GPC6: variants seen among roughly 807,000 people sequenced by gnomAD.
GPC6 encodes glypican 6, also known as glypican-6.
A neutral mutation model predicts 55.2 loss-of-function variants in GPC6; 14 were observed. The observed-to-expected ratio is 0.25, with a 90% confidence interval of 0.17 to 0.40. The LOEUF (loss-of-function observed/expected upper bound fraction) is 0.40, where lower values mean the gene tolerates loss of function less well. Ranked by LOEUF, GPC6 falls within the 10% of genes least tolerant of loss-of-function variation. GPC6 has a pLI of 1.00. For missense variants in GPC6, 641 were observed against 708.5 expected (o/e 0.90, Z 1.08); for synonymous variants, 278 against 259.6 (o/e 1.07, Z -0.68).
chr13:93,790,030 A>G (rs541771184), intron 2 of GPC6, among the ~76,000 whole-genome samples: 2 of 152,316 alleles, frequency 1.3e-5, no homozygotes, highest in East Asian at 1.9e-4. Flanking sequence ...TCAATTGAAA[A>G]TGTGGCAACA....
chr13:93,991,761 A>G lies in GPC6; in HGVS notation c.712-35968A>G, dbSNP rs114629011. Among the ~76,000 whole-genome samples the G allele has an allele frequency of 9.6e-3, 1,457 of 152,258 alleles. 27 individuals carry two copies. Among genetic ancestry groups the G allele is most frequent in the African/African-American group, 0.034 (1,404 of 41,556 alleles). On this transcript the variant is annotated intron_variant, in intron 3 of 8. Transcript: ENST00000377047. ...TGAGATGTGTTCTCAAGTTCTGTCA[A>G]GTGAAATTGCTTGGATAAATCACCA... is the stretch of plus-strand genomic sequence containing the variant.
chr13:93,817,453 A>G (rs1886892744), intron 2 of GPC6, among the ~76,000 whole-genome samples: 1 of 152,164 alleles, frequency 6.6e-6, no homozygotes, highest in African/African-American at 2.4e-5. Flanking sequence ...TAATTGAACT[A>G]TTTCCTTTTA....
intron 3 of GPC6, among the ~76,000 whole-genome samples, chr13:93,878,361 C>T (rs1246897281): frequency 6.6e-6 from 1 of 151,984 alleles, no homozygotes; most frequent in African/African-American, 2.4e-5. Context: ...AGTGAGGACA[C>T]AGTGTTCATT....
intron 1 of GPC6, among the ~76,000 whole-genome samples, chr13:93,540,895 A>T (rs1197883978): frequency 6.6e-6 from 1 of 152,084 alleles, no homozygotes; most frequent in Non-Finnish European, 1.5e-5. Flanking sequence ...TCAACTTCCA[A>T]GAGATCCTTT....
At chr13:94,147,847 T>C (rs1441740549) in intron 4 of GPC6, among the ~76,000 whole-genome samples, 1 of 152,158 alleles carries the variant, frequency 6.6e-6, no homozygotes, top group East Asian at 1.9e-4. Flanking sequence ...TACTCATTTA[T>C]CATAAAAGTT....
chr13:94,386,113 A>C (rs891707639), intron 7 of GPC6, among the ~76,000 whole-genome samples: 4 of 150,170 alleles, frequency 2.7e-5, no homozygotes, highest in Non-Finnish European at 4.4e-5. Flanking sequence ...TAATCCCAGC[A>C]CTTTGGGAGG....
intron 4 of GPC6, among the ~76,000 whole-genome samples, chr13:94,081,145 T>C (rs1476492649): frequency 1.3e-5 from 2 of 152,218 alleles, no homozygotes; most frequent in African/African-American, 4.8e-5. Context: ...TTGCTACTAA[T>C]GCTGGCTAGC....
intron 4 of GPC6, among the ~76,000 whole-genome samples, chr13:94,152,545 G>A (rs475933): frequency 0.57 from 86,722 of 151,846 alleles, 26,272 homozygotes; most frequent in Non-Finnish European, 0.66. Flanking sequence ...AAAATGTAAA[G>A]TATAATAGGA....
intron 1 of GPC6, among the ~76,000 whole-genome samples, chr13:93,323,592 T>A (rs1031408788): frequency 2.6e-5 from 4 of 152,206 alleles, no homozygotes; most frequent in African/African-American, 7.2e-5. Context: ...GGACTATGCC[T>A]GTGTGGCTCT....
chr13:93,462,249 G>T (rs1220305140), intron 1 of GPC6, among the ~76,000 whole-genome samples: 1 of 152,114 alleles, frequency 6.6e-6, no homozygotes, highest in Non-Finnish European at 1.5e-5. Context: ...AGATCTTTCA[G>T]AACTCATAGA....
In GPC6 at chr13:94,014,027, T is replaced by C. The variant is rs536349775; in HGVS notation, c.712-13702T>C. Among the ~76,000 whole-genome samples the C allele has an allele frequency of 4.6e-5, 7 of 152,362 alleles. No individual in the cohort carries two copies. In the South Asian group the frequency reaches 1.0e-3, roughly 23 times the overall value. ...TGAATATTTTATCACTGTGGCATTA[T>C]AAACATTTGTCATCCATGTAGGGAA... is the stretch of plus-strand genomic sequence containing the variant. On this transcript the variant is annotated intron_variant, in intron 3 of 8. Coordinates refer to ENST00000377047, the MANE Select transcript of GPC6 (RefSeq NM_005708.5).
At chr13:93,681,320 A>C (rs1881838511) in intron 2 of GPC6, among the ~76,000 whole-genome samples, 1 of 152,212 alleles carries the variant, frequency 6.6e-6, no homozygotes, top group Non-Finnish European at 1.5e-5. Context: ...ATTTATGTGG[A>C]TAAATACAGG....
intron 2 of GPC6, among the ~76,000 whole-genome samples, chr13:93,581,642 C>T (rs1462784097): frequency 2.6e-5 from 4 of 152,040 alleles, no homozygotes; most frequent in African/African-American, 9.7e-5. Flanking sequence ...GGGAGGAGAT[C>T]GCAGTGAGCG....
At chr13:94,339,149 C>T (rs1877886112) in intron 6 of GPC6, among the ~76,000 whole-genome samples, 1 of 152,026 alleles carries the variant, frequency 6.6e-6, no homozygotes, top group Non-Finnish European at 1.5e-5. Context: ...CGTGCAGCCT[C>T]AACCTCCTGG....
intron 2 of GPC6, among the ~76,000 whole-genome samples, chr13:93,657,388 A>G (rs1416850735): frequency 6.6e-6 from 1 of 151,996 alleles, no homozygotes; most frequent in Non-Finnish European, 1.5e-5. Flanking sequence ...TGAGATAACC[A>G]GCTAGCCATA....
At chr13:94,401,372 T>C (rs1175213655) in intron 8 of GPC6, among the ~76,000 whole-genome samples, 3 of 152,110 alleles carry the variant, frequency 2.0e-5, no homozygotes, top group Non-Finnish European at 4.4e-5. Context: ...TTCATAAAGC[T>C]AGTAATTGGC....
intron 3 of GPC6, among the ~76,000 whole-genome samples, chr13:93,963,497 A>G (rs1048896419): frequency 6.6e-6 from 1 of 152,228 alleles, no homozygotes; most frequent in Non-Finnish European, 1.5e-5. Flanking sequence ...TTATAGTCTT[A>G]GCAGATGTTA....
intron 3 of GPC6, among the ~76,000 whole-genome samples, chr13:93,871,753 C>G (rs1425188838): frequency 6.6e-6 from 1 of 151,858 alleles, no homozygotes; most frequent in Non-Finnish European, 1.5e-5. Flanking sequence ...TCACCATTAC[C>G]AGTACAAGGA....
chr13:94,208,304 G>A (rs904668964), intron 4 of GPC6, among the ~76,000 whole-genome samples: 2 of 152,152 alleles, frequency 1.3e-5, no homozygotes, highest in Admixed American at 6.5e-5. Flanking sequence ...TGAAGTGGGC[G>A]TAAGTGCCTA....
Sources: gnomAD v4.1 joint callset for allele counts (sites outside exome capture counted in the v4.1 genomes callset) on GRCh38, gnomAD v4.1.1 for gene constraint, MANE v1.5 for transcripts, NCBI Gene and HGNC (gene_info 2026-07-23, HGNC 2026-07-21) for gene names.